The following NCEH1 variants were observed in gnomAD, a reference collection of about 807,000 sequenced individuals.
The protein encoded by NCEH1 is neutral cholesterol ester hydrolase 1.
A neutral mutation model predicts 25.4 loss-of-function variants in NCEH1; 9 were observed. The ratio of observed to expected loss-of-function variants is 0.35; its 90% CI spans 0.21 to 0.62. NCEH1 has a LOEUF of 0.62. Ranked by LOEUF, NCEH1 falls within the 20% of genes least tolerant of loss-of-function variation. The pLI is 0.72. For missense variants in NCEH1, 412 were observed against 501.1 expected (o/e 0.82, Z 1.70); for synonymous variants, 200 against 199.8 (o/e 1.00, Z -0.01).
At chr3:172,690,466 C>G (rs1008125335) in intron 1 of NCEH1, among the ~76,000 whole-genome samples, 22 of 152,080 alleles carry the variant, frequency 1.4e-4, no homozygotes, top group Non-Finnish European at 2.8e-4. Context: ...AATCAACATT[C>G]TTGCACATTG....
At position 172,633,320 on chromosome 3, in the gene NCEH1, G is replaced by C. The variant is rs1163508753; in HGVS notation, c.*155C>G. The C allele has an allele frequency of 8.0e-6, 6 of 745,918 alleles. No individual in the cohort carries two copies. The highest frequency in any genetic ancestry group is 1.3e-5 in the Non-Finnish European group (6 of 460,462). 46.2% of individuals were successfully genotyped at this position (745,918 alleles called of 1,614,324 possible). On this transcript the variant is annotated 3_prime_UTR_variant, in exon 5 of 5. Transcript: ENST00000475381. Reference sequence around the variant, plus strand: ...TAGTCAAATTCATTTTTAAAAATTAGGTTATCATAAAGACTTCAGTTATGG... The same window carrying C: ...TAGTCAAATTCATTTTTAAAAATTACGTTATCATAAAGACTTCAGTTATGG...
chr3:172,688,822 G>A lies in NCEH1; in HGVS notation c.138+22025C>T, dbSNP rs562753397. Among the ~76,000 whole-genome samples the A allele has an allele frequency of 3.3e-5, 5 of 152,114 alleles. No individual in the cohort carries two copies. In the South Asian group the frequency reaches 6.2e-4, roughly 19 times the overall value. On this transcript the variant is annotated intron_variant, in intron 1 of 4. Coordinates refer to ENST00000475381, the MANE Select transcript of NCEH1 (RefSeq NM_020792.6). The stretch of plus-strand genomic sequence containing the variant: ...TTGGCCCTTGTCCTTGGGGCTGACA[G>A]GTTAAACTCTTGGTGGTAACTTACA...
intron 1 of NCEH1, among the ~76,000 whole-genome samples, chr3:172,668,633 C>G (rs552757558): frequency 2.0e-5 from 3 of 151,990 alleles, no homozygotes; most frequent in East Asian, 3.9e-4. Context: ...AAGACAGAGG[C>G]CTTGGGTCTA....
chr3:172,647,371 C>G (rs1717167893), intron 2 of NCEH1, among the ~76,000 whole-genome samples: 1 of 152,162 alleles, frequency 6.6e-6, no homozygotes, highest in African/African-American at 2.4e-5. Flanking sequence ...AAGATTGTTT[C>G]CTTTGAATGG....
At chr3:172,705,753 T>A (rs1358487755) in intron 1 of NCEH1, among the ~76,000 whole-genome samples, 1 of 152,102 alleles carries the variant, frequency 6.6e-6, no homozygotes, top group Non-Finnish European at 1.5e-5. Context: ...TCCCAACATT[T>A]TAAGAGGCCA....
At chr3:172,696,730 T>C (rs1042912623) in intron 1 of NCEH1, among the ~76,000 whole-genome samples, 1 of 152,204 alleles carries the variant, frequency 6.6e-6, no homozygotes, top group African/African-American at 2.4e-5. Flanking sequence ...AAATATACCA[T>C]CAGTTTCATG....
At chr3:172,655,907 A>G (rs561540697) in intron 1 of NCEH1, among the ~76,000 whole-genome samples, 1 of 152,326 alleles carries the variant, frequency 6.6e-6, no homozygotes, top group Admixed American at 6.5e-5. Flanking sequence ...AAAAGACAAA[A>G]AAGAACAAGA....
rs1415563334 is a variant in NCEH1 at position 172,693,210 on chromosome 3, A to G, written c.138+17637T>C. ...TAGCCAATAAATGTCTGCTGAAAATATGCTGGCGCTTTAAAAATGAATAAT... is the reference window on the plus strand; with the variant it reads ...TAGCCAATAAATGTCTGCTGAAAATGTGCTGGCGCTTTAAAAATGAATAAT... On this transcript the variant is annotated intron_variant, in intron 1 of 4. Transcript: ENST00000475381. Among the ~76,000 whole-genome samples the G allele has an allele frequency of 2.0e-5, 3 of 152,362 alleles. No homozygotes were observed. The East Asian group carries it at 5.8e-4, about 29-fold the overall frequency.
At chr3:172,678,015 G>A in intron 1 of NCEH1, among the ~76,000 whole-genome samples, 1 of 152,250 alleles carries the variant, frequency 6.6e-6, no homozygotes, top group East Asian at 1.9e-4. Context: ...AATCAGAGCT[G>A]TGATTATTTT....
At chr3:172,640,424 G>T (rs1172870636) in intron 3 of NCEH1, among the ~76,000 whole-genome samples, 1 of 152,152 alleles carries the variant, frequency 6.6e-6, no homozygotes, top group Non-Finnish European at 1.5e-5. Flanking sequence ...TCCACTAACA[G>T]AAGTTTCCTT....
intron 1 of NCEH1, among the ~76,000 whole-genome samples, chr3:172,658,108 T>G (rs1717786929): frequency 6.6e-6 from 1 of 152,146 alleles, no homozygotes. Context: ...TAAAACAGGT[T>G]GCAGTAAAGT....
At chr3:172,710,627 C>T (rs1049524733) in intron 1 of NCEH1, among the ~76,000 whole-genome samples, 1 of 152,202 alleles carries the variant, frequency 6.6e-6, no homozygotes, top group African/African-American at 2.4e-5. Context: ...ACTTCTTCCC[C>T]GTCACAAACG....
intron 1 of NCEH1, among the ~76,000 whole-genome samples, chr3:172,658,208 T>G (rs1044835674): frequency 6.6e-6 from 1 of 152,130 alleles, no homozygotes; most frequent in African/African-American, 2.4e-5. Context: ...CCATGACAGT[T>G]TACAAATGCC....
rs201548856 is a variant in NCEH1 at position 172,647,841 on chromosome 3, A to G, written c.367+45T>C. The G allele has an allele frequency of 1.4e-3, 2,331 of 1,610,274 alleles. 4 individuals carry two copies. Among genetic ancestry groups the G allele is most frequent in the Middle Eastern group, 2.5e-3 (15 of 6,056 alleles). On this transcript the variant is annotated intron_variant, in intron 2 of 4. Coordinates refer to ENST00000475381, the MANE Select transcript of NCEH1 (RefSeq NM_020792.6). Reference sequence around the variant, plus strand: ...CAAACTCAGTTACGCATCTCCCCCAAGGCCAACCACAACAACAAACCATCT... The same window carrying G: ...CAAACTCAGTTACGCATCTCCCCCAGGGCCAACCACAACAACAAACCATCT...
At chr3:172,682,141 CTGTTA>C (rs1245718966) in intron 1 of NCEH1, among the ~76,000 whole-genome samples, 2 of 152,180 alleles carry the variant, frequency 1.3e-5, no homozygotes, top group Non-Finnish European at 2.9e-5. Flanking sequence ...CATGGCACTA[CTGTTA>C]ATGACCTCAG....
At chr3:172,707,247 A>G (rs1385028789) in intron 1 of NCEH1, among the ~76,000 whole-genome samples, 1 of 152,034 alleles carries the variant, frequency 6.6e-6, no homozygotes, top group African/African-American at 2.4e-5. Flanking sequence ...TTGTTCCTCT[A>G]GTCTCCTGCT....
intron 1 of NCEH1, among the ~76,000 whole-genome samples, chr3:172,676,240 C>T (rs545130344): frequency 1.1e-4 from 17 of 152,216 alleles, no homozygotes; most frequent in Non-Finnish European, 1.5e-4. Context: ...AAGCAAACCC[C>T]GAACCATTTC....
rs372892169 is a variant in NCEH1, at chr3:172,645,691, T to A, written c.369A>T (p.Lys123Asn). 1.9e-6 allele frequency: 3 copies of A among 1,581,298 alleles called. No individual in the cohort carries two copies. The change falls in exon 3 of 5, where the codon AAA becomes AAT. Residue 123 changes from lysine to asparagine, a missense_variant and splice_region_variant. Lys to Asn is a moderately conservative substitution (Grantham distance 94, BLOSUM62 0). Coordinates refer to ENST00000475381, the MANE Select transcript of NCEH1 (RefSeq NM_020792.6). The part of the protein sequence containing the change: ...HGGGWALASA[K>N]IRYYDELCTA... ...TACACAGCTCATCATAATACCTGATTTCTAAAAGACACAAAGGGAACAATC... is the reference window on the plus strand; with the variant it reads ...TACACAGCTCATCATAATACCTGATATCTAAAAGACACAAAGGGAACAATC...
intron 1 of NCEH1, among the ~76,000 whole-genome samples, chr3:172,652,538 A>C (rs1717449718): frequency 6.6e-6 from 1 of 152,228 alleles, no homozygotes; most frequent in African/African-American, 2.4e-5. Context: ...ACCTAAAAGC[A>C]AACAGTGATG....
Sources: allele counts gnomAD v4.1 joint callset (sites outside exome capture counted in the v4.1 genomes callset), GRCh38; gene constraint gnomAD v4.1.1; transcripts MANE v1.5; gene names NCBI Gene and HGNC (gene_info 2026-07-23, HGNC 2026-07-21).